POU4F1: variants seen among roughly 807,000 people sequenced by gnomAD.
POU4F1 encodes the protein POU class 4 homeobox 1, also known as POU domain, class 4, transcription factor 1.
A neutral mutation model predicts 19.8 loss-of-function variants in POU4F1; 5 were observed. That is an observed-to-expected ratio of 0.25 (90% CI 0.13 to 0.53). The LOEUF is 0.53. Among genes scored for constraint, POU4F1 ranks in the 20% least tolerant of loss-of-function variants. The probability of loss-of-function intolerance (pLI) is 0.96; values close to 1 mark genes in which losing one functional copy is unlikely to be tolerated. For missense variants in POU4F1, 408 were observed against 511.6 expected (o/e 0.80, Z 1.95); for synonymous variants, 266 against 247.7 (o/e 1.07, Z -0.69).
At position 78,603,431 on chromosome 13, in the gene POU4F1, G is replaced by A. The variant is rs935592236; in HGVS notation, c.-105C>T. 377 of 1,356,074 alleles carry A rather than the reference G, an allele frequency of 2.8e-4. No homozygotes were observed. Among genetic ancestry groups the A allele is most frequent in the Non-Finnish European group, 3.0e-4 (318 of 1,052,620 alleles). The allele number at this position is 1,356,074 out of a possible 1,614,324, so 84.0% of individuals were successfully genotyped here. A position where few individuals can be genotyped will look rare whatever the true frequency, so the allele number is the denominator to read the frequency against. On this transcript the variant is annotated 5_prime_UTR_variant, in exon 1 of 2. Transcript: ENST00000377208. ...TTCGGAGGCTGCAGCCGCGGCGGTC[G>A]CGGCGGCTGGCGGCGGCCCCGCCGC...
intron 1 of POU4F1, 49 bp downstream of exon 1, chr13:78,603,155 C>T (rs944281163): frequency 7.8e-7 from 1 of 1,289,774 alleles, no homozygotes; most frequent in Admixed American, 4.1e-5. Flanking sequence ...GTTTCGGAGA[C>T]GGGGAGGGGC....
Position 78,602,156 on chromosome 13 carries a change from G to T in POU4F1, c.519C>A (p.Gly173=), listed in dbSNP as rs1437113911. ...PGGGGGGGPG[G]GGGGPGGGLL... is the part of the protein sequence containing the mutation. ...GCCCGCCGCCCGGGCCGCCGCCGCC[G>T]CCCCCCGGGCCGCCACCGCCGCCTC... Residue 173 remains glycine, a synonymous_variant, in exon 2 of 2, where the codon GGC becomes GGA. Coordinates refer to ENST00000377208, the MANE Select transcript of POU4F1 (RefSeq NM_006237.4). The T allele has an allele frequency of 1.3e-5, 2 of 157,236 alleles. No individual in the cohort carries two copies. Among genetic ancestry groups the T allele is most frequent in the African/African-American group, 5.4e-5 (2 of 37,382 alleles). The allele number at this position is 157,236 out of a possible 1,614,324, so 9.7% of individuals were successfully genotyped here.
In POU4F1 at chr13:78,602,197, C is replaced by CGCT; in HGVS notation, c.477_478insAGC (p.Pro159_Gly160insSer). The CGCT allele has an allele frequency of 2.7e-6, 1 of 367,322 alleles. No individual in the cohort carries two copies. The highest frequency in any genetic ancestry group is 3.7e-6 in the Non-Finnish European group (1 of 270,960). The allele number at this position is 367,322 out of a possible 1,614,324, so 22.8% of individuals were successfully genotyped here. A position where few individuals can be genotyped will look rare whatever the true frequency, so the allele number is the denominator to read the frequency against. The stretch of plus-strand genomic sequence containing the variant: ...CCGCCGCCTCCCCCGGGGCCGCCGC[C>CGCT]CGGGCCGCCGCCGCCGCCCGGGCCG... On this transcript the variant is annotated inframe_insertion, in exon 2 of 2. Transcript: ENST00000377208.
Position 78,601,973 on chromosome 13 carries a change from C to A in POU4F1, c.702G>T (p.Ala234=). The stretch of plus-strand genomic sequence containing the variant: ...CCGCTGCCACCTGCCCGGCCGCCGC[C>A]GCCGCCGCTGCCGCTGCCGCGCCGT... ...AHHGAAAAAA[A]AAAGQVAAAS... Residue 234 remains alanine (A), a synonymous_variant, in exon 2 of 2, where the codon GCG becomes GCT. Transcript: ENST00000377208. 2 of 1,102,942 alleles carry A rather than the reference C, an allele frequency of 1.8e-6. No individual in the cohort carries two copies. The highest frequency in any genetic ancestry group is 2.2e-6 in the Non-Finnish European group (2 of 904,404). The allele number at this position is 1,102,942 out of a possible 1,614,324, so 68.3% of individuals were successfully genotyped here.
chr13:78,603,052 G>A, intron 1 of POU4F1, 152 bp downstream of exon 1: 1 of 588,792 alleles, frequency 1.7e-6, no homozygotes. Context: ...AAGGGCCGCC[G>A]GACAAAACGT....
chr13:78,600,054 G>T lies in POU4F1; in HGVS notation c.*1361C>A, dbSNP rs1039188098. 6.6e-6 allele frequency: 1 copy of T among 152,280 alleles called. No individual in the cohort carries two copies. Among genetic ancestry groups the T allele is most frequent in the African/African-American group, 2.4e-5 (1 of 41,396 alleles). 9.4% of individuals were successfully genotyped at this position (152,280 alleles called of 1,614,324 possible). On this transcript the variant is annotated 3_prime_UTR_variant, in exon 2 of 2. Transcript: ENST00000377208. ...GACCTCTTTGAAACAAATGGGGGTG[G>T]GGGCACTTTAAATCTGTCTTCCTCT...
In POU4F1 at chr13:78,601,411, C is replaced by T. The variant is rs1285631838; in HGVS notation, c.*4G>A. On this transcript the variant is annotated 3_prime_UTR_variant, in exon 2 of 2. Transcript: ENST00000377208. ...TCTGTCCCGCCCGACACCTCCCAGCCCCCTCAGTAAGTGGCAGAGAATTTC... is the reference window on the plus strand; with the variant it reads ...TCTGTCCCGCCCGACACCTCCCAGCTCCCTCAGTAAGTGGCAGAGAATTTC... 1.2e-6 allele frequency: 2 copies of T among 1,613,540 alleles called. No homozygotes were observed. The highest frequency in any genetic ancestry group is 1.7e-6 in the Non-Finnish European group (2 of 1,180,036).
Position 78,600,185 on chromosome 13 carries a change from G to A in POU4F1, c.*1230C>T, listed in dbSNP as rs1379685841. 2 of 152,100 alleles carry A rather than the reference G, an allele frequency of 1.3e-5. No homozygotes were observed. The highest frequency in any genetic ancestry group is 2.9e-5 in the Non-Finnish European group (2 of 68,028). 9.4% of individuals were successfully genotyped at this position (152,100 alleles called of 1,614,324 possible). ...CATGTCCTCCAAGAGAGGAAGAAACGGGACCTAGAAGAGCAAGATGAGTCT... is the reference window on the plus strand; with the variant it reads ...CATGTCCTCCAAGAGAGGAAGAAACAGGACCTAGAAGAGCAAGATGAGTCT... On this transcript the variant is annotated 3_prime_UTR_variant, in exon 2 of 2. Coordinates refer to ENST00000377208, the MANE Select transcript of POU4F1 (RefSeq NM_006237.4).
Position 78,598,962 on chromosome 13 carries a change from T to C in POU4F1, c.*2453A>G, listed in dbSNP as rs575804813. On this transcript the variant is annotated 3_prime_UTR_variant, in exon 2 of 2. Transcript: ENST00000377208. The stretch of plus-strand genomic sequence containing the variant: ...GGCAACTAATATAGAATTCATTTTA[T>C]TTAGAGCACCACTTTTCATGAGTTA... 3 of 152,352 alleles carry C rather than the reference T, an allele frequency of 2.0e-5. No homozygotes were observed. The highest frequency in any genetic ancestry group is 2.1e-4 in the South Asian group (1 of 4,828). The allele number at this position is 152,352 out of a possible 1,614,324, so 9.4% of individuals were successfully genotyped here.
At position 78,600,576 on chromosome 13, in the gene POU4F1, C is replaced by T. The variant is rs538863151; in HGVS notation, c.*839G>A. On this transcript the variant is annotated 3_prime_UTR_variant, in exon 2 of 2. Coordinates refer to ENST00000377208, the MANE Select transcript of POU4F1 (RefSeq NM_006237.4). ...CAGGGCCACGGGAAAACTTGGATTC[C>T]ACCTAAGCAAGCAGCCAGCCTCCCC... is the stretch of plus-strand genomic sequence containing the variant. The T allele has an allele frequency of 6.6e-6, 1 of 152,570 alleles. No homozygotes were observed. The highest frequency in any genetic ancestry group is 1.9e-4 in the East Asian group (1 of 5,192). 9.5% of individuals were successfully genotyped at this position (152,570 alleles called of 1,614,324 possible).
In POU4F1 at chr13:78,601,987, C is replaced by T; in HGVS notation, c.688G>A (p.Ala230Thr). 1 of 981,316 alleles carries T rather than the reference C, an allele frequency of 1.0e-6. No homozygotes were observed. The highest frequency in any genetic ancestry group is 1.2e-6 in the Non-Finnish European group (1 of 823,628). 60.8% of individuals were successfully genotyped at this position (981,316 alleles called of 1,614,324 possible). The change falls in exon 2 of 2, where the codon GCG becomes ACG. Residue 230 changes from alanine (A) to threonine (T), a missense_variant. Ala to Thr is a moderately conservative substitution (Grantham distance 58). Around this residue, in one of 4 missense-constraint regions of POU4F1, gnomAD observed 294 missense variants for 288.2 expected, o/e 1.02. Coordinates refer to ENST00000377208, the MANE Select transcript of POU4F1 (RefSeq NM_006237.4). ...VAAAAHHGAA[A>T]AAAAAAAGQV... ...CCGGCCGCCGCCGCCGCCGCTGCCG[C>T]TGCCGCGCCGTGGTGCGCCGCCGCC... is the stretch of plus-strand genomic sequence containing the variant.
In POU4F1 at chr13:78,603,443, G is replaced by A; in HGVS notation, c.-117C>T. The A allele has an allele frequency of 7.5e-7, 1 of 1,333,256 alleles. No homozygotes were observed. The allele number at this position is 1,333,256 out of a possible 1,614,324, so 82.6% of individuals were successfully genotyped here. A position where few individuals can be genotyped will look rare whatever the true frequency, so the allele number is the denominator to read the frequency against. ...AGCCGCGGCGGTCGCGGCGGCTGGC[G>A]GCGGCCCCGCCGCGGGCTGCTGCTG... On this transcript the variant is annotated 5_prime_UTR_variant, in exon 1 of 2. Transcript: ENST00000377208.
At position 78,598,700 on chromosome 13, in the gene POU4F1, A is replaced by G. The variant is rs1016463475; in HGVS notation, c.*2715T>C. The G allele has an allele frequency of 3.3e-5, 5 of 152,168 alleles. No individual in the cohort carries two copies. The highest frequency in any genetic ancestry group is 2.6e-4 in the Admixed American group (4 of 15,276). The allele number at this position is 152,168 out of a possible 1,614,324, so 9.4% of individuals were successfully genotyped here. On this transcript the variant is annotated 3_prime_UTR_variant, in exon 2 of 2. Transcript: ENST00000377208. ...AATAGAGGCTCTCTAGTCACTGTGGAGCAGTAGGTGGCACACTAAATGTTT... is the reference window on the plus strand; with the variant it reads ...AATAGAGGCTCTCTAGTCACTGTGGGGCAGTAGGTGGCACACTAAATGTTT...
rs762612436 is a variant in POU4F1, at chr13:78,601,370, C to G, written c.*45G>C. On this transcript the variant is annotated 3_prime_UTR_variant, in exon 2 of 2. Coordinates refer to ENST00000377208, the MANE Select transcript of POU4F1 (RefSeq NM_006237.4). ...GCAGAGGAAAGCCCCCCAAAAATGC[C>G]TCCTCAGCTCCCCATTCTGTCCCGC... 1.2e-5 allele frequency: 19 copies of G among 1,609,680 alleles called. No individual in the cohort carries two copies. The highest frequency in any genetic ancestry group is 2.7e-5 in the African/African-American group (2 of 74,708).
rs1290633956 is a variant in POU4F1, at chr13:78,601,897, C to T, written c.778G>A (p.Asp260Asn). The T allele has an allele frequency of 6.5e-7, 1 of 1,528,300 alleles. No individual in the cohort carries two copies. The allele number at this position is 1,528,300 out of a possible 1,614,324, so 94.7% of individuals were successfully genotyped here. Residue 260 changes from aspartate (D) to asparagine (N), a missense_variant, in exon 2 of 2, where the codon GAC becomes AAC. By Grantham distance (23) the Asp-to-Asn change is conservative (BLOSUM62 1). This residue lies in a region of POU4F1 where 294 missense variants were observed against 288.2 expected (regional missense o/e 1.02). Transcript: ENST00000377208. ...AGCTCGCGCGGGTCCGTGTCCGAGT[C>T]GCAGATGGACGCCAGGCCCGCTGCG... ...VGAAGLASIC[D>N]SDTDPRELEA...
Position 78,599,875 on chromosome 13 carries a change from A to G in POU4F1, c.*1540T>C, listed in dbSNP as rs1359445029. The G allele has an allele frequency of 1.3e-5, 2 of 152,652 alleles. No individual in the cohort carries two copies. The highest frequency in any genetic ancestry group is 2.9e-5 in the Non-Finnish European group (2 of 68,030). 9.5% of individuals were successfully genotyped at this position (152,652 alleles called of 1,614,324 possible). On this transcript the variant is annotated 3_prime_UTR_variant, in exon 2 of 2. Coordinates refer to ENST00000377208, the MANE Select transcript of POU4F1 (RefSeq NM_006237.4). ...GCAGCTTGTAAGGTACCTGATTATT[A>G]CTATGAAATACTATACATGATTTTC...
Position 78,602,379 on chromosome 13 carries a change from G to C in POU4F1, c.296C>G (p.Ala99Gly). ...GTGGTGGTGGTGGTGGTGGTGGTGC[G>C]CCAGAGGCACCGTGGAAGTGGACGT... ...PCTSTSTVPLAHHHHHHHHHQ... is the reference protein window; with the variant it reads ...PCTSTSTVPLGHHHHHHHHHQ... The change falls in exon 2 of 2, where the codon GCG (alanine) becomes GGG (glycine). Residue 99 changes from alanine to glycine, a missense_variant. Physicochemically the swap from Ala to Gly is moderately conservative, Grantham distance 60. Around this residue, in one of 4 missense-constraint regions of POU4F1, gnomAD observed 294 missense variants for 288.2 expected, o/e 1.02. Transcript: ENST00000377208. 6.6e-7 allele frequency: 1 copy of C among 1,525,398 alleles called. No homozygotes were observed. 94.5% of individuals were successfully genotyped at this position (1,525,398 alleles called of 1,614,324 possible).
chr13:78,600,003 G>A lies in POU4F1; in HGVS notation c.*1412C>T, dbSNP rs1349866664. On this transcript the variant is annotated 3_prime_UTR_variant, in exon 2 of 2. Transcript: ENST00000377208. The stretch of plus-strand genomic sequence containing the variant: ...ATAAGAACAAGTAAAAGGAAACACA[G>A]TTGTTCTGTTTTCGCCCAACATGCA... The A allele has an allele frequency of 1.3e-5, 2 of 152,548 alleles. No homozygotes were observed. Among genetic ancestry groups the A allele is most frequent in the Non-Finnish European group, 2.9e-5 (2 of 68,026 alleles). The allele number at this position is 152,548 out of a possible 1,614,324, so 9.4% of individuals were successfully genotyped here.
rs923371555 is a variant in POU4F1, at chr13:78,599,147, C to T, written c.*2268G>A. The T allele has an allele frequency of 1.3e-5, 2 of 152,446 alleles. No individual in the cohort carries two copies. Among genetic ancestry groups the T allele is most frequent in the African/African-American group, 2.4e-5 (1 of 41,374 alleles). The allele number at this position is 152,446 out of a possible 1,614,324, so 9.4% of individuals were successfully genotyped here. A position where few individuals can be genotyped will look rare whatever the true frequency, so the allele number is the denominator to read the frequency against. ...ACCAGGACCTGGCCCAGTATAAACA[C>T]AAAAACGCACCCAAATCATAAAACT... On this transcript the variant is annotated 3_prime_UTR_variant, in exon 2 of 2. Transcript: ENST00000377208.
Sources: allele counts gnomAD v4.1 joint callset, GRCh38; gene constraint gnomAD v4.1.1; regional missense constraint gnomAD v4.1.1; transcripts MANE v1.5; gene names NCBI Gene and HGNC (gene_info 2026-07-23, HGNC 2026-07-21).